The following CACNA2D1 variants were observed in gnomAD, a reference collection of about 807,000 sequenced individuals.
The protein encoded by CACNA2D1 is calcium voltage-gated channel auxiliary subunit alpha2delta 1, also known as voltage-dependent calcium channel subunit alpha-2/delta-1.
Under a neutral mutation model 171.5 loss-of-function variants are expected in CACNA2D1, and 53 were observed. The ratio of observed to expected loss-of-function variants is 0.31; its 90% CI spans 0.25 to 0.39. The LOEUF (loss-of-function observed/expected upper bound fraction) is 0.39, where lower values mean the gene tolerates loss of function less well. CACNA2D1 is among the 10% of genes least tolerant of loss of function. The probability of loss-of-function intolerance (pLI) is 1.00; values close to 1 mark genes in which losing one functional copy is unlikely to be tolerated. For synonymous variants in CACNA2D1, 442 were observed against 443.1 expected (o/e 1.00, Z 0.03); for missense variants, 903 against 1,299.8 (o/e 0.69, Z 4.69).
intron 10 of CACNA2D1, among the ~76,000 whole-genome samples, chr7:82,051,448 T>C (rs998702893): frequency 1.3e-5 from 2 of 151,876 alleles, no homozygotes; most frequent in African/African-American, 4.9e-5. Flanking sequence ...AGCAAAGATA[T>C]AAGGAATTAT....
intron 3 of CACNA2D1, among the ~76,000 whole-genome samples, chr7:82,182,210 C>A (rs1797201142): frequency 6.6e-6 from 1 of 151,982 alleles, no homozygotes; most frequent in Admixed American, 6.6e-5. Context: ...TTCTGGTTGC[C>A]AAATGCATTA....
chr7:82,281,026 T>C (rs574665339), intron 3 of CACNA2D1, among the ~76,000 whole-genome samples: 2 of 152,252 alleles, frequency 1.3e-5, no homozygotes, highest in East Asian at 3.9e-4. Context: ...CATTAAGGAA[T>C]TTACTAAACT....
At chr7:82,156,262 T>C (rs1794361462) in intron 4 of CACNA2D1, among the ~76,000 whole-genome samples, 1 of 152,194 alleles carries the variant, frequency 6.6e-6, no homozygotes, top group South Asian at 2.1e-4. Context: ...AGTGTCATCA[T>C]GGCTATTTAG....
chr7:82,169,543 C>A (rs1795807811), intron 4 of CACNA2D1, among the ~76,000 whole-genome samples: 1 of 151,942 alleles, frequency 6.6e-6, no homozygotes, highest in African/African-American at 2.4e-5. Context: ...TCATTTAGTG[C>A]ATTTTCCTTT....
At chr7:82,165,307 T>C (rs1480941415) in intron 4 of CACNA2D1, among the ~76,000 whole-genome samples, 1 of 152,042 alleles carries the variant, frequency 6.6e-6, no homozygotes, top group Non-Finnish European at 1.5e-5. Context: ...GGACATATCA[T>C]CATGATGTCT....
At chr7:82,267,813 T>C (rs1434062887) in intron 3 of CACNA2D1, among the ~76,000 whole-genome samples, 1 of 152,078 alleles carries the variant, frequency 6.6e-6, no homozygotes, top group Non-Finnish European at 1.5e-5. Context: ...GCTAACACGG[T>C]GAAACCCCGT....
intron 6 of CACNA2D1, among the ~76,000 whole-genome samples, chr7:82,114,334 T>C (rs1447062333): frequency 1.3e-5 from 2 of 152,216 alleles, no homozygotes; most frequent in East Asian, 3.9e-4. Context: ...CAGATTCTAA[T>C]GCAAAGTAAG....
intron 6 of CACNA2D1, among the ~76,000 whole-genome samples, chr7:82,109,166 C>T (rs961277393): frequency 6.6e-6 from 1 of 152,022 alleles, no homozygotes; most frequent in Non-Finnish European, 1.5e-5. Context: ...CTTTTTTAGT[C>T]ATTTAACATA....
intron 24 of CACNA2D1, among the ~76,000 whole-genome samples, chr7:81,978,473 A>G (rs1308259963): frequency 6.6e-6 from 1 of 151,972 alleles, no homozygotes; most frequent in Non-Finnish European, 1.5e-5. Context: ...GCAAACTAAC[A>G]CAGGAACAGA....
At chr7:82,029,840 G>T (rs945766713) in intron 12 of CACNA2D1, 1 of 151,756 alleles carries the variant, frequency 6.6e-6, no homozygotes, top group Non-Finnish European at 1.5e-5. Flanking sequence ...GCAGTTCCAA[G>T]AATATTTTAA....
At chr7:82,318,611 C>T (rs1815397107) in intron 3 of CACNA2D1, among the ~76,000 whole-genome samples, 1 of 152,166 alleles carries the variant, frequency 6.6e-6, no homozygotes, top group Non-Finnish European at 1.5e-5. Flanking sequence ...TCTTCTCTTT[C>T]AATCCTTCTC....
intron 7 of CACNA2D1, among the ~76,000 whole-genome samples, chr7:82,078,185 G>A (rs1037261698): frequency 1.1e-4 from 17 of 151,958 alleles, no homozygotes; most frequent in African/African-American, 3.9e-4. Context: ...ATTAACAAAC[G>A]AGGCAGGGCA....
rs1830667228 is a variant in CACNA2D1, at chr7:82,443,431, G to A, written c.29C>T (p.Thr10Ile). ...GAGCAAAGATTGGAAAAGTGTCAGAGTCAAGGCCAGCAGGCAGCCAGCAGC... is the reference window on the plus strand; with the variant it reads ...GAGCAAAGATTGGAAAAGTGTCAGAATCAAGGCCAGCAGGCAGCCAGCAGC... MAAGCLLAL[T>I]LTLFQSLLIG... The change falls in exon 1 of 39, where the codon ACT becomes ATT. Residue 10 changes from threonine to isoleucine, a missense_variant. Physicochemically the swap from Thr to Ile is moderately conservative, Grantham distance 89. Coordinates refer to ENST00000356860, the MANE Select transcript of CACNA2D1 (RefSeq NM_000722.4). 6.2e-7 allele frequency: 1 copy of A among 1,607,974 alleles called. No homozygotes were observed. Among genetic ancestry groups the A allele is most frequent in the Non-Finnish European group, 8.5e-7 (1 of 1,176,826 alleles).
chr7:82,387,980 C>T (rs571347734), intron 1 of CACNA2D1, among the ~76,000 whole-genome samples: 9 of 150,214 alleles, frequency 6.0e-5, no homozygotes, highest in South Asian at 2.1e-4. Context: ...TACTTGGGGG[C>T]GCTGAGAAGG....
At chr7:82,068,198 T>C (rs892367990) in intron 7 of CACNA2D1, among the ~76,000 whole-genome samples, 2 of 152,116 alleles carry the variant, frequency 1.3e-5, no homozygotes, top group African/African-American at 4.8e-5. Context: ...TCCAGCAACA[T>C]GGCCAGCTTC....
chr7:82,117,808 CAAATA>C (rs897155423), intron 5 of CACNA2D1, among the ~76,000 whole-genome samples: 30 of 151,974 alleles, frequency 2.0e-4, no homozygotes, highest in Non-Finnish European at 4.1e-4. Context: ...AACAAACAGA[CAAATA>C]AAATAATAAG....
At chr7:82,344,933 A>G (rs1819076088) in intron 2 of CACNA2D1, among the ~76,000 whole-genome samples, 1 of 152,152 alleles carries the variant, frequency 6.6e-6, no homozygotes, top group South Asian at 2.1e-4. Flanking sequence ...TACCCTCAAA[A>G]CAATTGTGTA....
intron 6 of CACNA2D1, among the ~76,000 whole-genome samples, chr7:82,101,691 T>C (rs1291658469): frequency 6.6e-6 from 1 of 152,178 alleles, no homozygotes; most frequent in Non-Finnish European, 1.5e-5. Context: ...TAGAATATGA[T>C]ACATAGTTTC....
intron 6 of CACNA2D1, among the ~76,000 whole-genome samples, chr7:82,089,073 C>T (rs571826847): frequency 7.6e-4 from 116 of 152,270 alleles, no homozygotes; most frequent in South Asian, 1.5e-3. Flanking sequence ...GGGACCCAGA[C>T]CGGTCCATGG....
Sources: gnomAD v4.1 joint callset for allele counts (sites outside exome capture counted in the v4.1 genomes callset) on GRCh38, gnomAD v4.1.1 for gene constraint, MANE v1.5 for transcripts, NCBI Gene and HGNC (gene_info 2026-07-23, HGNC 2026-07-21) for gene names.